Variants in RTN4RL1 observed in about 807,000 individuals in gnomAD.
The protein encoded by RTN4RL1 is reticulon 4 receptor like 1, also known as reticulon-4 receptor-like 1.
Under a neutral mutation model 25.6 loss-of-function variants are expected in RTN4RL1, and 7 were observed. The ratio of observed to expected loss-of-function variants is 0.27; its 90% CI spans 0.16 to 0.51. The LOEUF is 0.51. Ranked by LOEUF, RTN4RL1 falls within the 20% of genes least tolerant of loss-of-function variation. The probability of loss-of-function intolerance (pLI) is 0.97; values close to 1 mark genes in which losing one functional copy is unlikely to be tolerated. For synonymous variants in RTN4RL1, 297 were observed against 288.2 expected (o/e 1.03, Z -0.31); for missense variants, 500 against 615.6 (o/e 0.81, Z 1.99).
intron 1 of RTN4RL1, among the ~76,000 whole-genome samples, chr17:1,985,392 C>T (rs1472680177): frequency 1.3e-5 from 2 of 152,198 alleles, no homozygotes; most frequent in Non-Finnish European, 2.9e-5. Context: ...GGCTCGCAAG[C>T]CGCCTGGCAG....
chr17:1,985,556 C>T (rs896241542), intron 1 of RTN4RL1, among the ~76,000 whole-genome samples: 4 of 152,186 alleles, frequency 2.6e-5, no homozygotes, highest in South Asian at 2.1e-4. Flanking sequence ...TTTACATTCC[C>T]GGCTTTAAAA....
At chr17:2,014,751 G>T (rs541757371) in intron 1 of RTN4RL1, among the ~76,000 whole-genome samples, 2 of 152,002 alleles carry the variant, frequency 1.3e-5, no homozygotes, top group South Asian at 4.1e-4. Context: ...AGAATCGCTT[G>T]AATCTGGGAG....
At chr17:1,954,588 A>C (rs377526457) in intron 1 of RTN4RL1, among the ~76,000 whole-genome samples, 2 of 151,966 alleles carry the variant, frequency 1.3e-5, no homozygotes, top group East Asian at 1.9e-4. Context: ...GGGTTTCACC[A>C]TGTTGGCCAG....
intron 1 of RTN4RL1, among the ~76,000 whole-genome samples, chr17:1,993,232 A>G (rs2066917013): frequency 6.6e-6 from 1 of 152,170 alleles, no homozygotes; most frequent in African/African-American, 2.4e-5. Flanking sequence ...TGGGTGACAG[A>G]GCGAAACTCT....
At chr17:1,960,637 C>A (rs1442756723) in intron 1 of RTN4RL1, among the ~76,000 whole-genome samples, 1 of 152,202 alleles carries the variant, frequency 6.6e-6, no homozygotes, top group African/African-American at 2.4e-5. Flanking sequence ...TCGCAACTAT[C>A]ATCACTATCT....
Position 1,937,201 on chromosome 17 carries a change from G to A in RTN4RL1, c.621C>T (p.Asn207=), listed in dbSNP as rs753395400. 7.4e-6 allele frequency: 12 copies of A among 1,612,380 alleles called. No homozygotes were observed. The highest frequency in any genetic ancestry group is 3.3e-5 in the Admixed American group (2 of 59,994). ...VNLDRLLLHE[N]QLQWVHHKAF... is the part of the protein sequence containing the mutation. The stretch of plus-strand genomic sequence containing the variant: ...CCTTGTGGTGGACCCACTGCAGCTG[G>A]TTCTCGTGCAGCAAAAGACGGTCCA... Residue 207 remains asparagine (N), a synonymous_variant, in exon 2 of 2, where the codon AAC becomes AAT. Transcript: ENST00000331238.
intron 1 of RTN4RL1, among the ~76,000 whole-genome samples, chr17:2,002,504 G>C (rs1030897810): frequency 6.6e-6 from 1 of 150,728 alleles, no homozygotes; most frequent in Non-Finnish European, 1.5e-5. Context: ...GTGTTAGCCA[G>C]GATGGTCTCA....
intron 1 of RTN4RL1, among the ~76,000 whole-genome samples, chr17:1,972,478 G>A (rs557058308): frequency 6.6e-6 from 1 of 152,058 alleles, no homozygotes; most frequent in African/African-American, 2.4e-5. Context: ...CCGCTCTCAG[G>A]CCACCCCTCC....
chr17:1,980,926 CAAAAAA>C lies in RTN4RL1; in HGVS notation c.14-43124_14-43119del, dbSNP rs71723916. Among the ~76,000 whole-genome samples, 188 of 87,124 alleles carry C rather than the reference CAAAAAA, an allele frequency of 2.2e-3. 4 individuals carry two copies. The highest frequency in any genetic ancestry group is 8.4e-3 in the African/African-American group (181 of 21,430). The allele number at this position is 87,124 out of a possible 152,430, so 57.2% of individuals were successfully genotyped here. A position where few individuals can be genotyped will look rare whatever the true frequency, so the allele number is the denominator to read the frequency against. ...TGGGCCACAGAGTGAGATTCTATCT[CAAAAAA>C]AAAAAAAAAAAAAAGAAGTGGAGCA... is the stretch of plus-strand genomic sequence containing the variant. On this transcript the variant is annotated intron_variant, in intron 1 of 1. Transcript: ENST00000331238.
Position 1,970,811 on chromosome 17 carries a change from A to G in RTN4RL1, c.14-33003T>C, listed in dbSNP as rs1365946239. Among the ~76,000 whole-genome samples, 4 of 152,174 alleles carry G rather than the reference A, an allele frequency of 2.6e-5. No homozygotes were observed. In the South Asian group the frequency reaches 8.3e-4, roughly 32 times the overall value. Reference sequence around the variant, plus strand: ...ACATAAACACGGCTCTCTGCTGCCTAACACTCCTCTATTTTTAAACCTCTC... The same window carrying G: ...ACATAAACACGGCTCTCTGCTGCCTGACACTCCTCTATTTTTAAACCTCTC... On this transcript the variant is annotated intron_variant, in intron 1 of 1. Coordinates refer to ENST00000331238, the MANE Select transcript of RTN4RL1 (RefSeq NM_178568.4).
chr17:1,957,374 G>A (rs1915813840), intron 1 of RTN4RL1, among the ~76,000 whole-genome samples: 1 of 152,182 alleles, frequency 6.6e-6, no homozygotes, highest in Non-Finnish European at 1.5e-5. Context: ...AGCCTCATAT[G>A]AAGAGGAGAC....
intron 1 of RTN4RL1, among the ~76,000 whole-genome samples, chr17:1,940,034 C>T (rs1444118887): frequency 1.3e-5 from 2 of 152,342 alleles, no homozygotes; most frequent in Admixed American, 6.5e-5. Context: ...CTCCCGGCCT[C>T]GTGCCGCTGC....
intron 1 of RTN4RL1, among the ~76,000 whole-genome samples, chr17:1,988,640 G>A (rs2151318538): frequency 6.6e-6 from 1 of 152,182 alleles, no homozygotes; most frequent in Non-Finnish European, 1.5e-5. Context: ...ACCCCCTGAT[G>A]TCTTAAATGC....
chr17:2,002,302 T>G (rs1447554606), intron 1 of RTN4RL1, among the ~76,000 whole-genome samples: 1 of 150,044 alleles, frequency 6.7e-6, no homozygotes, highest in African/African-American at 2.5e-5. Context: ...TAATTTTAAT[T>G]TTTTTTTTGA....
At chr17:2,018,274 C>A (rs556647010) in intron 1 of RTN4RL1, among the ~76,000 whole-genome samples, 83 of 152,346 alleles carry the variant, frequency 5.4e-4, no homozygotes, top group Admixed American at 2.9e-3. Flanking sequence ...TAATCCATGG[C>A]CCTGGGCCCT....
At chr17:1,945,881 G>T (rs1484149802) in intron 1 of RTN4RL1, among the ~76,000 whole-genome samples, 2 of 152,246 alleles carry the variant, frequency 1.3e-5, no homozygotes, top group Non-Finnish European at 2.9e-5. Flanking sequence ...TGAGTCAGCA[G>T]GGGGACTGAG....
In RTN4RL1 at chr17:1,983,821, T is replaced by G. The variant is rs907833777; in HGVS notation, c.13+41032A>C. On this transcript the variant is annotated intron_variant, in intron 1 of 1. Coordinates refer to ENST00000331238, the MANE Select transcript of RTN4RL1 (RefSeq NM_178568.4). ...CCTCCCAAAGTGCTGGGATTACAGG[T>G]GTGAGCCACGGCGCCGGGTCCTGAA... Among the ~76,000 whole-genome samples, 3 of 151,912 alleles carry G rather than the reference T, an allele frequency of 2.0e-5. No homozygotes were observed. In the East Asian group the frequency reaches 5.8e-4, roughly 29 times the overall value.
chr17:2,020,281 A>G (rs2067183826), intron 1 of RTN4RL1: 1 of 152,150 alleles, frequency 6.6e-6, no homozygotes. Flanking sequence ...AGCAGAAAAG[A>G]GTATCTTGGC....
intron 1 of RTN4RL1, among the ~76,000 whole-genome samples, chr17:2,009,751 G>T (rs2067030290): frequency 7.8e-6 from 1 of 127,988 alleles, no homozygotes; most frequent in Non-Finnish European, 1.6e-5. Context: ...CGCTGCCATA[G>T]CTGTTGCCTT....
Sources: gnomAD v4.1 joint callset for allele counts (sites outside exome capture counted in the v4.1 genomes callset) on GRCh38, gnomAD v4.1.1 for gene constraint, MANE v1.5 for transcripts, NCBI Gene and HGNC (gene_info 2026-07-23, HGNC 2026-07-21) for gene names.